ATP11B: variants seen among roughly 807,000 people sequenced by gnomAD.
ATP11B encodes the protein ATPase phospholipid transporting 11B (putative), also known as phospholipid-transporting ATPase IF.
ATP11B carries 81 observed loss-of-function variants against 157.8 expected under a neutral mutation model. That is an observed-to-expected ratio of 0.51 (90% confidence interval 0.43 to 0.62). The LOEUF is 0.62. ATP11B is among the 20% of genes least tolerant of loss of function. The pLI is 0.00. For missense variants in ATP11B, 1,165 were observed against 1,402.2 expected, an observed-to-expected ratio of 0.83 and a Z score of 2.70; for synonymous variants, 451 against 469.4, an observed-to-expected ratio of 0.96 and a Z score of 0.51.
In ATP11B at chr3:182,842,142, A is replaced by AAT; in HGVS notation, c.704+20_704+21insAT. 1 of 1,555,978 alleles carries AAT rather than the reference A, an allele frequency of 6.4e-7. No homozygotes were observed. ...TGTAAGGTAAGAATTAATTTGTGTTATCTAATTACCTTTAAATGGGAACTG... is the reference window on the plus strand; with the variant it reads ...TGTAAGGTAAGAATTAATTTGTGTTAATTCTAATTACCTTTAAATGGGAACTG... On this transcript the variant is annotated intron_variant, in intron 8 of 29. Coordinates refer to ENST00000323116, the MANE Select transcript of ATP11B (RefSeq NM_014616.3).
rs1426369665 is a variant in ATP11B, at chr3:182,921,389, GATC to G, written c.*3288_*3290del. ...TTGAATGTTGTTCCTATAAAAAATAGATCATAACTCATGATATGTTTGTAATCA... is the reference window on the plus strand; with the variant it reads ...TTGAATGTTGTTCCTATAAAAAATAGATAACTCATGATATGTTTGTAATCA... On this transcript the variant is annotated 3_prime_UTR_variant, in exon 30 of 30. Coordinates refer to ENST00000323116, the MANE Select transcript of ATP11B (RefSeq NM_014616.3). 1 of 152,112 alleles carries G rather than the reference GATC, an allele frequency of 6.6e-6. No individual in the cohort carries two copies. Among genetic ancestry groups the G allele is most frequent in the Non-Finnish European group, 1.5e-5 (1 of 68,022 alleles). 9.4% of individuals were successfully genotyped at this position (152,112 alleles called of 1,614,324 possible).
At chr3:182,917,917 G>T in intron 29 of ATP11B, 106 bp from the exon 30 acceptor site, 1 of 1,464,198 alleles carries the variant, frequency 6.8e-7, no homozygotes, top group Non-Finnish European at 9.0e-7. Flanking sequence ...GTATTTAAAT[G>T]AATCAATCAG....
At chr3:182,913,811 A>G in intron 28 of ATP11B, 50 bp from the exon 29 acceptor site, 1 of 1,613,370 alleles carries the variant, frequency 6.2e-7, no homozygotes, top group African/African-American at 1.3e-5. Context: ...AATGCTTTTC[A>G]GAAGTCCATA....
intron 4 of ATP11B, among the ~76,000 whole-genome samples, chr3:182,835,211 T>C (rs1272060400): frequency 1.3e-5 from 2 of 152,136 alleles, no homozygotes; most frequent in Admixed American, 6.5e-5. Flanking sequence ...ACAATCCGTG[T>C]ATGAGTGGAC....
intron 1 of ATP11B, among the ~76,000 whole-genome samples, chr3:182,804,243 T>G (rs1031666517): frequency 2.0e-5 from 3 of 151,966 alleles, no homozygotes; most frequent in Admixed American, 1.3e-4. Context: ...GATTTCTTTT[T>G]TTTTTCTTTT....
Position 182,836,438 on chromosome 3 carries a change from A to G in ATP11B, c.520A>G (p.Thr174Ala). The G allele has an allele frequency of 1.9e-6, 3 of 1,613,916 alleles. No individual in the cohort carries two copies. Among genetic ancestry groups the G allele is most frequent in the South Asian group, 1.1e-5 (1 of 91,068 alleles). Residue 174 changes from threonine to alanine, a missense_variant, in exon 6 of 30, where the codon ACT becomes GCT. Physicochemically the swap from Thr to Ala is moderately conservative, Grantham distance 58 (BLOSUM62 0). Around this residue, in one of 4 missense-constraint regions of ATP11B, gnomAD observed 737 missense variants for 930.5 expected, o/e 0.79. Transcript: ENST00000323116. Reference sequence around the variant, plus strand: ...ACTGGATGGTTCCTGTCACGTTACAACTGCTAGTTTGGACGGAGAAACTAA... The same window carrying G: ...ACTGGATGGTTCCTGTCACGTTACAGCTGCTAGTTTGGACGGAGAAACTAA... ...DRLDGSCHVT[T>A]ASLDGETNLK... is the part of the protein sequence containing the mutation.
rs559370877 is a variant in ATP11B at position 182,893,560 on chromosome 3, T to G, written c.2983-3140T>G. ...GCTGAGTTGTATTCCATGGTATATA[T>G]GTATACCACATTTTCTTTATCCACT... On this transcript the variant is annotated intron_variant, in intron 25 of 29. Transcript: ENST00000323116. 5.9e-5 allele frequency among the ~76,000 whole-genome samples: 9 copies of G among 152,372 alleles called. No individual in the cohort carries two copies. The East Asian group carries it at 1.7e-3, about 29-fold the overall frequency.
At chr3:182,802,720 G>A (rs77527655) in intron 1 of ATP11B, among the ~76,000 whole-genome samples, 3,047 of 152,120 alleles carry the variant, frequency 0.02, 74 homozygotes, top group East Asian at 0.14. Context: ...TTCCTTGCTT[G>A]ATTTCTCAGC....
At chr3:182,913,263 T>C (rs903873167) in intron 28 of ATP11B, among the ~76,000 whole-genome samples, 1 of 152,236 alleles carries the variant, frequency 6.6e-6, no homozygotes, top group Admixed American at 6.5e-5. Context: ...AATGATGCTT[T>C]TTTCAAAGAT....
chr3:182,795,402 T>C (rs1023241026), intron 1 of ATP11B, among the ~76,000 whole-genome samples: 5 of 152,210 alleles, frequency 3.3e-5, no homozygotes, highest in African/African-American at 1.2e-4. Flanking sequence ...CTGTTAGGTA[T>C]TTTTTAGCCA....
At chr3:182,870,197 T>G (rs1721548610) in intron 17 of ATP11B, among the ~76,000 whole-genome samples, 1 of 152,238 alleles carries the variant, frequency 6.6e-6, no homozygotes, top group Non-Finnish European at 1.5e-5. Flanking sequence ...AACACTGATT[T>G]GTACTGTTTG....
At chr3:182,852,539 A>G (rs1451045673) in intron 10 of ATP11B, among the ~76,000 whole-genome samples, 1 of 152,226 alleles carries the variant, frequency 6.6e-6, no homozygotes, top group Non-Finnish European at 1.5e-5. Context: ...CCAAGATGAA[A>G]CAGAAAGTCT....
intron 1 of ATP11B, among the ~76,000 whole-genome samples, chr3:182,795,995 C>A (rs1454370659): frequency 2.6e-5 from 4 of 152,084 alleles, no homozygotes; most frequent in Non-Finnish European, 5.9e-5. Flanking sequence ...TTATATGAAT[C>A]CCGATTTTCA....
intron 1 of ATP11B, among the ~76,000 whole-genome samples, chr3:182,802,506 A>G (rs908287116): frequency 2.0e-5 from 3 of 152,144 alleles, no homozygotes; most frequent in Non-Finnish European, 4.4e-5. Context: ...CCTTATTGCA[A>G]TTCAGAAGTC....
At chr3:182,844,546 A>G in intron 8 of ATP11B, 1 of 984,418 alleles carries the variant, frequency 1.0e-6, no homozygotes, top group Non-Finnish European at 1.2e-6. Flanking sequence ...TCCTTTATGG[A>G]GAGAAATTCA....
At chr3:182,882,507 GAAAA>G (rs745824796) in intron 21 of ATP11B, among the ~76,000 whole-genome samples, 8 of 144,482 alleles carry the variant, frequency 5.5e-5, no homozygotes, top group African/African-American at 1.5e-4. Flanking sequence ...TTAGTGATTT[GAAAA>G]AAAAAAGAGA....
intron 19 of ATP11B, among the ~76,000 whole-genome samples, chr3:182,877,452 G>T (rs1412521386): frequency 6.6e-6 from 1 of 152,148 alleles, no homozygotes; most frequent in Non-Finnish European, 1.5e-5. Context: ...GACCAGCCTG[G>T]GCAACATAGT....
intron 28 of ATP11B, among the ~76,000 whole-genome samples, chr3:182,907,156 A>T (rs1724427618): frequency 6.6e-6 from 1 of 152,168 alleles, no homozygotes; most frequent in Non-Finnish European, 1.5e-5. Context: ...CTCTCGAGGA[A>T]TAACCCTGAC....
intron 7 of ATP11B, among the ~76,000 whole-genome samples, chr3:182,840,991 C>G (rs1443004507): frequency 6.6e-6 from 1 of 152,184 alleles, no homozygotes; most frequent in East Asian, 1.9e-4. Context: ...CCCCCATCCC[C>G]CATCCCCAAC....
Sources: gnomAD v4.1 joint callset for allele counts (sites outside exome capture counted in the v4.1 genomes callset) on GRCh38, gnomAD v4.1.1 for gene constraint, gnomAD v4.1.1 regional missense constraint, MANE v1.5 for transcripts, NCBI Gene and HGNC (gene_info 2026-07-23, HGNC 2026-07-21) for gene names.